The following ITGAM variants were observed in gnomAD, a reference collection of about 807,000 sequenced individuals.
ITGAM encodes the protein integrin subunit alpha M.
In ITGAM, 79 loss-of-function variants were observed where a neutral mutation model predicts 137.5. The observed-to-expected ratio is 0.57, with a 90% CI of 0.48 to 0.69. ITGAM has a LOEUF of 0.69. Among genes scored for constraint, ITGAM ranks in the 30% least tolerant of loss-of-function variants. The probability of loss-of-function intolerance (pLI) is 0.00; values close to 1 mark genes in which losing one functional copy is unlikely to be tolerated. For missense variants in ITGAM, 1,343 were observed against 1,483.5 expected (o/e 0.91, Z 1.56); for synonymous variants, 583 against 592.3 (o/e 0.98, Z 0.23).
In ITGAM at chr16:31,331,054, G is replaced by T. The variant is rs376109062; in HGVS notation, c.3277-111G>T. The stretch of plus-strand genomic sequence containing the variant: ...GAGGAGGACTGAGGGCTGGGGTTCT[G>T]GGGGACATGAGGAGGGGTTCCCCAC... On this transcript the variant is annotated intron_variant, in intron 28 of 29. Coordinates refer to ENST00000544665, the MANE Select transcript of ITGAM (RefSeq NM_000632.4). The T allele has an allele frequency of 1.1e-5, 7 of 635,602 alleles. 1 individual carries two copies. Among genetic ancestry groups the T allele is most frequent in the African/African-American group, 5.5e-5 (3 of 54,410 alleles). 39.4% of individuals were successfully genotyped at this position (635,602 alleles called of 1,614,324 possible).
At chr16:31,301,801 G>A (rs1322022874) in intron 14 of ITGAM, among the ~76,000 whole-genome samples, 2 of 152,136 alleles carry the variant, frequency 1.3e-5, no homozygotes, top group African/African-American at 4.8e-5. Flanking sequence ...AATATGAAGA[G>A]CTTTATTATA....
intron 12 of ITGAM, among the ~76,000 whole-genome samples, chr16:31,283,654 A>G (rs192532929): frequency 1.3e-5 from 2 of 152,166 alleles, no homozygotes; most frequent in East Asian, 3.9e-4. Context: ...CTTCTTTGTG[A>G]TGGGTTTGAA....
chr16:31,268,182 C>G (rs1245006515), intron 5 of ITGAM, among the ~76,000 whole-genome samples: 1 of 152,176 alleles, frequency 6.6e-6, no homozygotes, highest in Non-Finnish European at 1.5e-5. Flanking sequence ...CAGCTTCCCT[C>G]TCCACCTAGG....
At chr16:31,269,256 TCAAGCA>T (rs2079803159) in intron 5 of ITGAM, among the ~76,000 whole-genome samples, 1 of 152,138 alleles carries the variant, frequency 6.6e-6, no homozygotes, top group Non-Finnish European at 1.5e-5. Context: ...GCAAAATATC[TCAAGCA>T]CTGATTTTAG....
intron 12 of ITGAM, among the ~76,000 whole-genome samples, chr16:31,284,933 G>A (rs1206490527): frequency 2.6e-5 from 4 of 152,072 alleles, no homozygotes; most frequent in African/African-American, 9.7e-5. Flanking sequence ...AGTGTAGCAG[G>A]ACAAGCTGCA....
chr16:31,303,679 C>A lies in ITGAM; in HGVS notation c.1707+5725C>A, dbSNP rs146612699. Among the ~76,000 whole-genome samples the A allele has an allele frequency of 3.3e-3, 499 of 152,270 alleles. 4 individuals carry two copies. The highest frequency in any genetic ancestry group is 0.011 in the African/African-American group (468 of 41,566). ...CTTTGCATCCTTATAGTTTAGCTCC[C>A]ACTTATAAATGAAAACATATATTTA... On this transcript the variant is annotated intron_variant, in intron 14 of 29. Transcript: ENST00000544665.
At chr16:31,327,078 A>C (rs1376052429) in intron 22 of ITGAM, 143 bp downstream of exon 22, 13 of 735,792 alleles carry the variant, frequency 1.8e-5, no homozygotes, top group South Asian at 1.8e-4. Flanking sequence ...ACCACCCACC[A>C]CGTGCTGGGC....
intron 14 of ITGAM, among the ~76,000 whole-genome samples, chr16:31,315,527 A>G (rs1044569746): frequency 4.0e-5 from 6 of 151,782 alleles, no homozygotes; most frequent in Non-Finnish European, 8.8e-5. Flanking sequence ...GCACGATCTC[A>G]GCTCACTGCA....
At chr16:31,291,856 A>T (rs1319666756) in intron 12 of ITGAM, among the ~76,000 whole-genome samples, 1 of 152,098 alleles carries the variant, frequency 6.6e-6, no homozygotes, top group African/African-American at 2.4e-5. Flanking sequence ...TAGGAAAAAT[A>T]AGACCTAGTG....
chr16:31,270,943 C>A lies in ITGAM; in HGVS notation c.428-11C>A, dbSNP rs200250425. 1.4e-6 allele frequency: 2 copies of A among 1,467,020 alleles called. No individual in the cohort carries two copies. Among genetic ancestry groups the A allele is most frequent in the Admixed American group, 4.2e-5 (2 of 47,348 alleles). The allele number at this position is 1,467,020 out of a possible 1,614,324, so 90.9% of individuals were successfully genotyped here. Reference sequence around the variant, plus strand: ...AAATTACTTGATTCATACTCTTTTCCCCTTCCCCAGGGTGTCCTCAAGAGG... The same window carrying A: ...AAATTACTTGATTCATACTCTTTTCACCTTCCCCAGGGTGTCCTCAAGAGG... On this transcript the variant is annotated splice_polypyrimidine_tract_variant and intron_variant, in intron 5 of 29. Transcript: ENST00000544665.
At chr16:31,288,281 T>C (rs1172252469) in intron 12 of ITGAM, among the ~76,000 whole-genome samples, 3 of 152,194 alleles carry the variant, frequency 2.0e-5, no homozygotes, top group East Asian at 1.9e-4. Context: ...CAAATACCAA[T>C]ATTGCAGAAA....
intron 14 of ITGAM, 55 bp downstream of exon 14, chr16:31,298,009 C>G (rs372404002): frequency 4.9e-6 from 7 of 1,438,744 alleles, no homozygotes; most frequent in African/African-American, 2.8e-5. Flanking sequence ...TGATCTTTCT[C>G]CTAATTCAGT....
chr16:31,307,367 C>G (rs1174064035), intron 14 of ITGAM, among the ~76,000 whole-genome samples: 1 of 152,102 alleles, frequency 6.6e-6, no homozygotes, highest in South Asian at 2.1e-4. Context: ...CTTCACATCC[C>G]TTGTAAGTTG....
intron 14 of ITGAM, 71 bp downstream of exon 14, chr16:31,298,025 C>T (rs1379207602): frequency 2.4e-6 from 3 of 1,248,040 alleles, no homozygotes; most frequent in African/African-American, 1.5e-5. Context: ...TCAGTGTGCC[C>T]ACAGCTGCCA....
rs548302728 is a variant in ITGAM, at chr16:31,324,866, T to G, written c.2289+84T>G. Reference sequence around the variant, plus strand: ...GAAACTCATTTTATTTGATTGCATCTAATTTTACTTCAACATTTGATTTTA... The same window carrying G: ...GAAACTCATTTTATTTGATTGCATCGAATTTTACTTCAACATTTGATTTTA... On this transcript the variant is annotated intron_variant, in intron 18 of 29. Transcript: ENST00000544665. The surrounding 1 kb of genome is among the most constrained non-coding windows in gnomAD (Gnocchi z 4.5). 10 of 1,545,870 alleles carry G rather than the reference T, an allele frequency of 6.5e-6. No homozygotes were observed. The highest frequency in any genetic ancestry group is 6.1e-6 in the Non-Finnish European group (7 of 1,138,426).
chr16:31,292,081 TA>T (rs1313109145), intron 12 of ITGAM, among the ~76,000 whole-genome samples: 4 of 151,940 alleles, frequency 2.6e-5, no homozygotes, highest in African/African-American at 7.3e-5. Flanking sequence ...TACATATTCA[TA>T]AAAAGGTAAA....
At position 31,326,866 on chromosome 16, in the gene ITGAM, A is replaced by G; in HGVS notation, c.2639A>G (p.Asn880Ser). Residue 880 changes from asparagine to serine, a missense_variant, in exon 22 of 30, where the codon AAT becomes AGT. By Grantham distance (46) the Asn-to-Ser change is conservative (BLOSUM62 1). Coordinates refer to ENST00000544665, the MANE Select transcript of ITGAM (RefSeq NM_000632.4). ...TTTCTCTCACTCCAGGTCACCTTTAATATCACGTTTGATGTAGACTCTAAG... is the reference window on the plus strand; with the variant it reads ...TTTCTCTCACTCCAGGTCACCTTTAGTATCACGTTTGATGTAGACTCTAAG... ...IFPENSEVTF[N>S]ITFDVDSKAS... The G allele has an allele frequency of 6.2e-7, 1 of 1,611,378 alleles. No homozygotes were observed. Among genetic ancestry groups the G allele is most frequent in the Non-Finnish European group, 8.5e-7 (1 of 1,177,532 alleles).
intron 23 of ITGAM, chr16:31,328,984 A>C (rs1218375556): frequency 1.7e-6 from 1 of 590,076 alleles, no homozygotes; most frequent in East Asian, 2.9e-5. Flanking sequence ...GTCTGTGTGC[A>C]TGTGTGTATG....
At chr16:31,306,508 CTT>C (rs1157246212) in intron 14 of ITGAM, among the ~76,000 whole-genome samples, 68 of 142,306 alleles carry the variant, frequency 4.8e-4, no homozygotes, top group African/African-American at 1.5e-3. Context: ...GCAAGGTACT[CTT>C]TTTTTTTTTT....
Sources: gnomAD v4.1 joint callset for allele counts (sites outside exome capture counted in the v4.1 genomes callset) on GRCh38, gnomAD v4.1.1 for gene constraint, Gnocchi (gnomAD v3.1) non-coding constraint, MANE v1.5 for transcripts, NCBI Gene and HGNC (gene_info 2026-07-23, HGNC 2026-07-21) for gene names.